Variants in OR2L13 observed in about 807,000 individuals in gnomAD.
The protein encoded by OR2L13 is olfactory receptor family 2 subfamily L member 13, also known as olfactory receptor 2L13.
A neutral mutation model predicts 15.3 loss-of-function variants in OR2L13; 14 were observed. The ratio of observed to expected loss-of-function variants is 0.91; its 90% CI spans 0.60 to 1.43. The LOEUF is 1.43. Ranked by LOEUF, OR2L13 falls within the 40% of genes most tolerant of loss-of-function variation. OR2L13 has a pLI of 0.00. For missense variants in OR2L13, 367 were observed against 387.9 expected, an observed-to-expected ratio of 0.95 and a Z score of 0.45; for synonymous variants, 152 against 142.9, an observed-to-expected ratio of 1.06 and a Z score of -0.45.
the OR2L13 span, among the ~76,000 whole-genome samples, chr1:248,048,569 T>A: frequency 6.6e-6 from 1 of 152,098 alleles, no homozygotes; most frequent in Non-Finnish European, 1.5e-5. Context: ...ATTCTTACTG[T>A]AGACATGCAG....
At chr1:248,073,004 AG>A in the OR2L13 span, among the ~76,000 whole-genome samples, 123,895 of 151,172 alleles carry the variant, frequency 0.82, 53,442 homozygotes, top group South Asian at 0.95. Context: ...GTGGAGAAAT[AG>A]GAACACTTTT....
At chr1:247,974,050 T>C in the OR2L13 span, among the ~76,000 whole-genome samples, 2 of 152,178 alleles carry the variant, frequency 1.3e-5, no homozygotes, top group Non-Finnish European at 2.9e-5. Flanking sequence ...AATGATAGAC[T>C]GGATAAAGTA....
chr1:248,023,098 A>T, the OR2L13 span: 1 of 446,534 alleles, frequency 2.2e-6, no homozygotes, highest in Non-Finnish European at 3.9e-6. Flanking sequence ...GACAGATCAT[A>T]TATTTTACAC....
the OR2L13 span, among the ~76,000 whole-genome samples, chr1:248,047,711 A>G: frequency 6.6e-6 from 1 of 152,214 alleles, no homozygotes; most frequent in South Asian, 2.1e-4. Context: ...GTGAGAAGCA[A>G]ATGAGCATAG....
the OR2L13 span, among the ~76,000 whole-genome samples, chr1:247,981,104 C>T: frequency 6.6e-6 from 1 of 152,168 alleles, no homozygotes; most frequent in Admixed American, 6.5e-5. Flanking sequence ...AGAATGCAGA[C>T]AACCAACAGT....
chr1:248,003,284 A>T, the OR2L13 span: 37 of 1,574,858 alleles, frequency 2.3e-5, no homozygotes, highest in Non-Finnish European at 3.0e-5. Context: ...CTTCTTGGAC[A>T]CTCATCTCCA....
At chr1:248,057,363 C>G in the OR2L13 span, among the ~76,000 whole-genome samples, 2 of 152,082 alleles carry the variant, frequency 1.3e-5, no homozygotes, top group Non-Finnish European at 2.9e-5. Flanking sequence ...AAATTTTTGT[C>G]GAATTGAACT....
chr1:247,985,265 C>A, the OR2L13 span, among the ~76,000 whole-genome samples: 1 of 152,096 alleles, frequency 6.6e-6, no homozygotes, highest in African/African-American at 2.4e-5. Flanking sequence ...CCCCTACCCC[C>A]TACCCCACAA....
the OR2L13 span, chr1:248,022,032 C>G: frequency 1.9e-6 from 3 of 1,613,814 alleles, no homozygotes; most frequent in Middle Eastern, 1.6e-4. Flanking sequence ...CCTCTTCATT[C>G]TCTTTGTTCT....
the OR2L13 span, among the ~76,000 whole-genome samples, chr1:247,938,177 G>A: frequency 3.0e-4 from 45 of 152,082 alleles, no homozygotes; most frequent in African/African-American, 1.1e-3. Flanking sequence ...CTTGATTCCA[G>A]TCCTGTAACA....
the OR2L13 span, chr1:247,974,668 A>C: frequency 4.6e-6 from 1 of 215,414 alleles, no homozygotes; most frequent in Non-Finnish European, 1.1e-5. Context: ...CTTGGAATGC[A>C]TCCCCTGTGG....
the OR2L13 span, among the ~76,000 whole-genome samples, chr1:248,083,208 T>C: frequency 6.6e-6 from 1 of 152,122 alleles, no homozygotes. Flanking sequence ...TTTTTAATCA[T>C]AGAGCATACA....
chr1:247,959,870 C>G, the OR2L13 span, among the ~76,000 whole-genome samples: 1 of 152,092 alleles, frequency 6.6e-6, no homozygotes, highest in Non-Finnish European at 1.5e-5. Flanking sequence ...TTTTTAACTT[C>G]TTTGCAATGG....
the OR2L13 span, among the ~76,000 whole-genome samples, chr1:248,034,787 A>G: frequency 2.0e-5 from 3 of 152,200 alleles, no homozygotes; most frequent in African/African-American, 7.2e-5. Context: ...TTGTTAGTGT[A>G]TAGCCACTTG....
the OR2L13 span, among the ~76,000 whole-genome samples, chr1:247,952,360 C>A: frequency 5.9e-5 from 9 of 152,216 alleles, no homozygotes; most frequent in Admixed American, 4.6e-4. Flanking sequence ...ATCTAAACCC[C>A]TAAAATGAGA....
chr1:247,978,100 C>A, the OR2L13 span, among the ~76,000 whole-genome samples: 1 of 152,192 alleles, frequency 6.6e-6, no homozygotes, highest in South Asian at 2.1e-4. Context: ...ATAAATGTAC[C>A]AATCAGCACT....
At chr1:248,026,225 A>G in the OR2L13 span, among the ~76,000 whole-genome samples, 2 of 152,232 alleles carry the variant, frequency 1.3e-5, no homozygotes, top group Non-Finnish European at 2.9e-5. Flanking sequence ...TCAAACTACA[A>G]CAGTGATGAA....
At chr1:248,072,706 T>C in the OR2L13 span, among the ~76,000 whole-genome samples, 1 of 151,766 alleles carries the variant, frequency 6.6e-6, no homozygotes. Flanking sequence ...CAAAATGGGA[T>C]AAAATTTTTG....
the OR2L13 span, among the ~76,000 whole-genome samples, chr1:248,077,934 TAA>T: frequency 6.6e-6 from 1 of 151,870 alleles, no homozygotes; most frequent in South Asian, 2.1e-4. Context: ...CTAGAATGTA[TAA>T]AAAAACACAA....
Sources: allele counts gnomAD v4.1 joint callset (sites outside exome capture counted in the v4.1 genomes callset), GRCh38; gene constraint gnomAD v4.1.1; transcripts MANE v1.5; gene names NCBI Gene and HGNC (gene_info 2026-07-23, HGNC 2026-07-21).